Variants in EZH2 observed in about 807,000 individuals in gnomAD.
The protein encoded by EZH2 is histone-lysine N-methyltransferase EZH2.
In EZH2, 18 loss-of-function variants were observed where a neutral mutation model predicts 98.4. The observed-to-expected ratio is 0.18, with a 90% CI of 0.13 to 0.27. The LOEUF (loss-of-function observed/expected upper bound fraction) is 0.27. Among genes scored for constraint, EZH2 ranks in the 10% least tolerant of loss-of-function variants. The pLI is 1.00. For missense variants in EZH2, 470 were observed against 935.1 expected (o/e 0.50, Z 6.49); for synonymous variants, 338 against 312.3 (o/e 1.08, Z -0.87).
Position 148,810,410 on chromosome 7 carries a change from A to G in EZH2, c.1952T>C (p.Ile651Thr). ...TCTTCTGTCAGCTTCATCTTGAGAA[A>G]TAATCTAAAAAGAAAGACACAGGAG... ...EFISEYCGEI[I>T]SQDEADRRGK... Residue 651 changes from isoleucine to threonine, a missense_variant, in exon 17 of 20, where the codon ATT becomes ACT. Around this residue, in one of 6 missense-constraint regions of EZH2, gnomAD observed 106 missense variants for 327.2 expected, o/e 0.32. Transcript: ENST00000320356. 6.2e-7 allele frequency: 1 copy of G among 1,607,534 alleles called. No individual in the cohort carries two copies. Among genetic ancestry groups the G allele is most frequent in the East Asian group, 2.2e-5 (1 of 44,810 alleles).
At chr7:148,852,274 T>A (rs1299975870) in intron 1 of EZH2, among the ~76,000 whole-genome samples, 1 of 152,220 alleles carries the variant, frequency 6.6e-6, no homozygotes, top group African/African-American at 2.4e-5. Context: ...ATCTATTTTG[T>A]GAATCAAACC....
chr7:148,831,161 G>A (rs1809279494), intron 4 of EZH2, among the ~76,000 whole-genome samples: 1 of 151,778 alleles, frequency 6.6e-6, no homozygotes, highest in Non-Finnish European at 1.5e-5. Flanking sequence ...ATAATCCCTA[G>A]GTAACAAATT....
chr7:148,871,388 T>C (rs372537248), intron 1 of EZH2, among the ~76,000 whole-genome samples: 2 of 24,862 alleles, frequency 8.0e-5, no homozygotes, highest in Non-Finnish European at 2.0e-4. Context: ...TTCCAAAAAA[T>C]AAAAGACGAA....
chr7:148,859,117 C>A (rs1368431854), intron 1 of EZH2, among the ~76,000 whole-genome samples: 1 of 152,176 alleles, frequency 6.6e-6, no homozygotes, highest in Non-Finnish European at 1.5e-5. Context: ...GCATCTAATA[C>A]AAGCCAGAGA....
intron 10 of EZH2, 162 bp downstream of exon 10, chr7:148,817,715 G>A: frequency 2.4e-5 from 24 of 1,010,026 alleles, no homozygotes; most frequent in Non-Finnish European, 3.5e-5. Flanking sequence ...TACGGGTGCA[G>A]GCAGGAAACA....
chr7:148,807,722 G>C lies in EZH2; in HGVS notation c.2196-16C>G, dbSNP rs1222257367. On this transcript the variant is annotated splice_polypyrimidine_tract_variant and intron_variant, in intron 19 of 19. Coordinates refer to ENST00000320356, the MANE Select transcript of EZH2 (RefSeq NM_004456.5). ...CTGGCTGTATCTGAAACAACAGGAA[G>C]GAGATGTCCGCTGGATGGCCACCCA... is the stretch of plus-strand genomic sequence containing the variant. 1.3e-6 allele frequency: 2 copies of C among 1,574,084 alleles called. No homozygotes were observed. The highest frequency in any genetic ancestry group is 2.7e-5 in the African/African-American group (2 of 72,876).
At chr7:148,875,374 T>C (rs1820032226) in intron 1 of EZH2, among the ~76,000 whole-genome samples, 1 of 152,180 alleles carries the variant, frequency 6.6e-6, no homozygotes, top group Admixed American at 6.5e-5. Context: ...ATCTGACAGA[T>C]AATGTGACTA....
chr7:148,860,009 T>TA (rs201793045), intron 1 of EZH2, among the ~76,000 whole-genome samples: 2,197 of 152,140 alleles, frequency 0.014, 39 homozygotes, highest in Middle Eastern at 0.034. Flanking sequence ...CAAGCCAAAT[T>TA]TAAAAAAACT....
intron 8 of EZH2, among the ~76,000 whole-genome samples, chr7:148,821,470 A>C (rs555977767): frequency 6.6e-6 from 1 of 152,350 alleles, no homozygotes; most frequent in East Asian, 1.9e-4. Flanking sequence ...TTATAAATTT[A>C]ATGGGATTCC....
intron 3 of EZH2, among the ~76,000 whole-genome samples, chr7:148,845,488 C>A (rs1813769447): frequency 6.6e-6 from 1 of 152,158 alleles, no homozygotes; most frequent in Non-Finnish European, 1.5e-5. Flanking sequence ...ATCAAGACCA[C>A]CAGAATATCA....
At chr7:148,850,449 C>T in intron 1 of EZH2, 6 of 967,340 alleles carry the variant, frequency 6.2e-6, no homozygotes, top group Non-Finnish European at 7.4e-6. Context: ...CCATTAATAA[C>T]ATACCTAATA....
intron 1 of EZH2, among the ~76,000 whole-genome samples, chr7:148,872,337 G>T (rs1819538088): frequency 6.6e-6 from 1 of 152,100 alleles, no homozygotes; most frequent in South Asian, 2.1e-4. Flanking sequence ...TTGGGGGGAG[G>T]GGGAAGTGGG....
chr7:148,823,142 T>G (rs1806653862), intron 8 of EZH2, among the ~76,000 whole-genome samples: 1 of 152,192 alleles, frequency 6.6e-6, no homozygotes, highest in East Asian at 1.9e-4. Context: ...TTTTAAAAAT[T>G]AGTTTGGTAA....
intron 3 of EZH2, among the ~76,000 whole-genome samples, chr7:148,834,337 T>TTATATATATATATATATATA (rs746918834): frequency 7.7e-5 from 11 of 142,750 alleles, no homozygotes; most frequent in African/African-American, 2.8e-4. Context: ...TGAAAAATCA[T>TTATATATATATATATATATA]TATATATATA....
chr7:148,842,448 A>G (rs961628673), intron 3 of EZH2, among the ~76,000 whole-genome samples: 2 of 152,338 alleles, frequency 1.3e-5, no homozygotes. Flanking sequence ...CCTACAGAAC[A>G]TAGTTATTAC....
At chr7:148,870,763 C>G (rs1205222973) in intron 1 of EZH2, among the ~76,000 whole-genome samples, 1 of 150,652 alleles carries the variant, frequency 6.6e-6, no homozygotes, top group East Asian at 1.9e-4. Context: ...AACCCCGACT[C>G]TATAAAAATG....
Position 148,810,379 on chromosome 7 carries a change from T to C in EZH2, c.1983A>G (p.Lys661=), listed in dbSNP as rs201616806. 1.9e-4 allele frequency: 300 copies of C among 1,611,190 alleles called. 1 individual carries two copies. Among genetic ancestry groups the C allele is most frequent in the Non-Finnish European group, 2.1e-4 (250 of 1,177,764 alleles). The change falls in exon 17 of 20, where the codon AAA becomes AAG. Residue 661 remains lysine, a synonymous_variant. Transcript: ENST00000320356. The part of the protein sequence containing the change: ...ISQDEADRRG[K]VYDKYMCSFL... ...AGCTGCACATGTATTTATCATACAC[T>C]TTCCCTCTTCTGTCAGCTTCATCTT...
chr7:148,807,822 A>AG (rs1801903583), intron 19 of EZH2, 116 bp from the exon 20 acceptor site: 2 of 655,048 alleles, frequency 3.1e-6, no homozygotes, highest in East Asian at 5.6e-5. Context: ...TTTAAAAAAA[A>AG]AAAAAAAAAA....
chr7:148,880,844 AAGAC>A (rs1170969625), intron 1 of EZH2, among the ~76,000 whole-genome samples: 1 of 152,234 alleles, frequency 6.6e-6, no homozygotes, highest in East Asian at 1.9e-4. Context: ...AGAAAAAAAT[AAGAC>A]AGAGCCTCTA....
Sources: allele counts gnomAD v4.1 joint callset (sites outside exome capture counted in the v4.1 genomes callset), GRCh38; gene constraint gnomAD v4.1.1; regional missense constraint gnomAD v4.1.1; transcripts MANE v1.5; gene names NCBI Gene and HGNC (gene_info 2026-07-23, HGNC 2026-07-21).